Variants in COPB1 observed in about 807,000 individuals in gnomAD.
COPB1 encodes the protein coatomer subunit beta.
COPB1 carries 21 observed loss-of-function variants against 108.7 expected under a neutral mutation model. The observed-to-expected ratio is 0.19, with a 90% CI of 0.14 to 0.28. The LOEUF (loss-of-function observed/expected upper bound fraction) is 0.28. COPB1 is among the 10% of genes least tolerant of loss of function. COPB1 has a pLI of 1.00. For synonymous variants in COPB1, 378 were observed against 386.8 expected, an observed-to-expected ratio of 0.98 and a Z score of 0.27; for missense variants, 919 against 1,141.3, an observed-to-expected ratio of 0.81 and a Z score of 2.81.
intron 14 of COPB1, among the ~76,000 whole-genome samples, chr11:14,471,892 G>A (rs541592165): frequency 2.0e-5 from 3 of 152,108 alleles, no homozygotes; most frequent in East Asian, 1.9e-4. Context: ...ATGGCACTCC[G>A]GCCTGGGCAA....
intron 1 of COPB1, among the ~76,000 whole-genome samples, chr11:14,499,383 C>T (rs1314757654): frequency 3.9e-5 from 6 of 152,218 alleles, no homozygotes; most frequent in African/African-American, 1.2e-4. Flanking sequence ...GGTTCCGACT[C>T]TATGTCCGCG....
In COPB1 at chr11:14,469,276, C is replaced by T. The variant is rs1044392047; in HGVS notation, c.1965+60G>A. ...CCTCCCAAAGTGCTGGGATTACAGGCGTGAGCCACTGCACGAAGAGACACA... is the reference window on the plus strand; with the variant it reads ...CCTCCCAAAGTGCTGGGATTACAGGTGTGAGCCACTGCACGAAGAGACACA... On this transcript the variant is annotated intron_variant, in intron 15 of 21. Transcript: ENST00000439561. The T allele has an allele frequency of 5.4e-5, 74 of 1,371,478 alleles. No individual in the cohort carries two copies. The South Asian group carries it at 6.1e-4, about 11-fold the overall frequency. 85.0% of individuals were successfully genotyped at this position (1,371,478 alleles called of 1,614,324 possible).
Position 14,475,812 on chromosome 11 carries a change from G to C in COPB1, c.1589C>G (p.Ser530Cys), listed in dbSNP as rs1015037685. ...TYATQSALSSSRPTKKEEDRP... is the reference protein window; with the variant it reads ...TYATQSALSSCRPTKKEEDRP... ...GTCTTCCTCTTTCTTGGTGGGTCTAGAACTGCTAAGGGCACTCTGAGTTGC... is the reference window on the plus strand; with the variant it reads ...GTCTTCCTCTTTCTTGGTGGGTCTACAACTGCTAAGGGCACTCTGAGTTGC... Residue 530 changes from serine (S) to cysteine (C), a missense_variant, in exon 13 of 22, where the codon TCT (serine) becomes TGT (cysteine). Ser to Cys is a moderately radical substitution (Grantham distance 112). Around this residue, in one of 5 missense-constraint regions of COPB1, gnomAD observed 705 missense variants for 817.8 expected, o/e 0.86. Transcript: ENST00000439561. 6.2e-7 allele frequency: 1 copy of C among 1,611,464 alleles called. No homozygotes were observed.
chr11:14,458,810 T>G (rs1850082289), intron 20 of COPB1, 123 bp from the exon 21 acceptor site: 1 of 909,504 alleles, frequency 1.1e-6, no homozygotes, highest in South Asian at 1.9e-5. Context: ...GTTGTCCAGC[T>G]TGGAGCTGGA....
chr11:14,484,732 A>G (rs913401042), intron 7 of COPB1, among the ~76,000 whole-genome samples: 1 of 152,178 alleles, frequency 6.6e-6, no homozygotes, highest in Non-Finnish European at 1.5e-5. Context: ...AACAAAAACA[A>G]AACAAAAAAA....
intron 2 of COPB1, among the ~76,000 whole-genome samples, chr11:14,497,910 AG>A (rs1851060988): frequency 6.6e-6 from 1 of 152,234 alleles, no homozygotes; most frequent in Non-Finnish European, 1.5e-5. Flanking sequence ...ATGGAACTGG[AG>A]GTCATTATGT....
At chr11:14,486,010 C>T (rs892212257) in intron 7 of COPB1, among the ~76,000 whole-genome samples, 3 of 152,242 alleles carry the variant, frequency 2.0e-5, no homozygotes, top group Middle Eastern at 6.8e-3. Context: ...AACCTCTTTA[C>T]ACTGAGTAGG....
rs767980170 is a variant in COPB1, at chr11:14,460,250, G to T, written c.2604C>A (p.His868Gln). The T allele has an allele frequency of 6.2e-7, 1 of 1,611,840 alleles. No homozygotes were observed. The highest frequency in any genetic ancestry group is 8.5e-7 in the Non-Finnish European group (1 of 1,178,772). The change falls in exon 20 of 22, where the codon CAC becomes CAA. Residue 868 changes from histidine to glutamine, a missense_variant. His to Gln is a conservative substitution (Grantham distance 24). Coordinates refer to ENST00000439561, the MANE Select transcript of COPB1 (RefSeq NM_001144061.2). ...ATTTCATATTGGTTGACTTTAATAT[G>T]TGCTGTAAGTAGTCATTTAAATCAA... is the stretch of plus-strand genomic sequence containing the variant. ...NMVDLNDYLQ[H>Q]ILKSTNMKCL...
chr11:14,494,742 A>T (rs1238349001), intron 2 of COPB1: 1 of 245,112 alleles, frequency 4.1e-6, no homozygotes, highest in East Asian at 8.0e-5. Context: ...AGTCATACCA[A>T]GTAAACGTGT....
At chr11:14,493,843 G>A (rs778534484) in intron 3 of COPB1, 32 bp from the exon 4 acceptor site, 32 of 1,474,400 alleles carry the variant, frequency 2.2e-5, no homozygotes, top group Non-Finnish European at 1.8e-5. Context: ...GAAATGCTGA[G>A]TTTCAGCTTT....
intron 14 of COPB1, among the ~76,000 whole-genome samples, chr11:14,470,928 ACACACACACACACACACTCT>A (rs1488138912): frequency 7.5e-6 from 1 of 133,034 alleles, no homozygotes; most frequent in African/African-American, 3.6e-5. Context: ...ACACACACAC[ACACACACACACACACACTCT>A]CTCTCTCTCT....
At chr11:14,497,847 G>T (rs755011955) in intron 2 of COPB1, among the ~76,000 whole-genome samples, 1 of 152,082 alleles carries the variant, frequency 6.6e-6, no homozygotes, top group African/African-American at 2.4e-5. Context: ...ACACAATGGA[G>T]TACTATTCAG....
At chr11:14,477,952 CCT>C (rs1850565160) in intron 11 of COPB1, among the ~76,000 whole-genome samples, 1 of 149,892 alleles carries the variant, frequency 6.7e-6, no homozygotes, top group Non-Finnish European at 1.5e-5. Context: ...GTTGCAATGC[CCT>C]GAGATAGCGC....
intron 5 of COPB1, among the ~76,000 whole-genome samples, chr11:14,488,936 A>C (rs1046912627): frequency 6.6e-6 from 1 of 152,174 alleles, no homozygotes; most frequent in African/African-American, 2.4e-5. Context: ...AAAATCTCCT[A>C]TGTGTCCTCA....
intron 14 of COPB1, 63 bp from the exon 15 acceptor site, chr11:14,469,626 T>C: frequency 7.5e-7 from 1 of 1,340,276 alleles, no homozygotes; most frequent in South Asian, 1.2e-5. Context: ...ATCATGTCAC[T>C]TCATTATAAC....
At chr11:14,474,781 G>T (rs548380576) in intron 13 of COPB1, among the ~76,000 whole-genome samples, 166 bp from the exon 14 acceptor site, 1 of 152,226 alleles carries the variant, frequency 6.6e-6, no homozygotes, top group African/African-American at 2.4e-5. Context: ...GAAGGAAAAA[G>T]AAAAATAATA....
Position 14,457,839 on chromosome 11 carries a change from C to A in COPB1, c.2847G>T (p.Lys949Asn), listed in dbSNP as rs771309231. The A allele has an allele frequency of 6.3e-7, 1 of 1,591,728 alleles. No individual in the cohort carries two copies. Among genetic ancestry groups the A allele is most frequent in the Non-Finnish European group, 8.6e-7 (1 of 1,163,106 alleles). Residue 949 changes from lysine to asparagine, a missense_variant, in exon 22 of 22, where the codon AAG becomes AAT. Physicochemically the swap from Lys to Asn is moderately conservative, Grantham distance 94. Coordinates refer to ENST00000439561, the MANE Select transcript of COPB1 (RefSeq NM_001144061.2). ...TTGTTTATTTTTATATACTAGTTTT[C>A]TTCTGTGACAAGTTGATTTTATCTC... ...SLGDKINLSQ[K>N]KTSI is the part of the protein sequence containing the mutation.
At chr11:14,463,442 C>G (rs1184441842) in intron 18 of COPB1, among the ~76,000 whole-genome samples, 2 of 152,284 alleles carry the variant, frequency 1.3e-5, no homozygotes, top group South Asian at 4.1e-4. Flanking sequence ...CTCAGCCTCC[C>G]GAGTTAGCTG....
intron 15 of COPB1, among the ~76,000 whole-genome samples, 166 bp downstream of exon 15, chr11:14,469,170 T>A (rs934243709): frequency 2.6e-5 from 4 of 151,566 alleles, no homozygotes; most frequent in African/African-American, 9.7e-5. Flanking sequence ...AATTTTCTCA[T>A]TTTTTTTGTT....
Sources: gnomAD v4.1 joint callset for allele counts (sites outside exome capture counted in the v4.1 genomes callset) on GRCh38, gnomAD v4.1.1 for gene constraint, gnomAD v4.1.1 regional missense constraint, MANE v1.5 for transcripts, NCBI Gene and HGNC (gene_info 2026-07-23, HGNC 2026-07-21) for gene names.